Variants in RSU1 observed in about 807,000 individuals in gnomAD.
The protein encoded by RSU1 is Ras suppressor protein 1, also known as rsu-1.
A neutral mutation model predicts 31.1 loss-of-function variants in RSU1; 26 were observed. The observed-to-expected ratio is 0.84, with a 90% CI of 0.61 to 1.16. The LOEUF (loss-of-function observed/expected upper bound fraction) is 1.16. Among genes scored for constraint, RSU1 ranks in the 50% most tolerant of loss-of-function variants. The pLI is 0.00. For synonymous variants in RSU1, 164 were observed against 136.3 expected (o/e 1.20, Z -1.41); for missense variants, 320 against 339.1 (o/e 0.94, Z 0.44).
intron 2 of RSU1, among the ~76,000 whole-genome samples, chr10:16,789,201 G>C (rs1276980658): frequency 1.3e-5 from 2 of 152,164 alleles, no homozygotes; most frequent in African/African-American, 2.4e-5. Context: ...AAGTTTAAAA[G>C]TTGTGTTTTC....
chr10:16,773,838 G>A (rs1391375765), intron 3 of RSU1, among the ~76,000 whole-genome samples: 1 of 152,100 alleles, frequency 6.6e-6, no homozygotes, highest in African/African-American at 2.4e-5. Flanking sequence ...TCAACTTTCT[G>A]AAGGATAAGC....
chr10:16,682,426 T>C (rs1318381492), intron 8 of RSU1, among the ~76,000 whole-genome samples: 2 of 152,156 alleles, frequency 1.3e-5, no homozygotes, highest in East Asian at 3.9e-4. Context: ...CTAATTTTGC[T>C]TTAAAGATAA....
chr10:16,714,979 G>A lies in RSU1; in HGVS notation c.599-19824C>T, dbSNP rs543000430. Among the ~76,000 whole-genome samples the A allele has an allele frequency of 5.9e-5, 9 of 152,208 alleles. No individual in the cohort carries two copies. In the South Asian group the frequency reaches 8.3e-4, roughly 14 times the overall value. ...TTTCTGGTGGCAATGGGGACTGCTG[G>A]GAATCACCAGCATACATTTCCCCAT... is the stretch of plus-strand genomic sequence containing the variant. On this transcript the variant is annotated intron_variant, in intron 7 of 8. Transcript: ENST00000345264.
intron 7 of RSU1, among the ~76,000 whole-genome samples, chr10:16,736,006 G>A (rs552521948): frequency 2.6e-5 from 4 of 152,286 alleles, no homozygotes; most frequent in African/African-American, 9.6e-5. Flanking sequence ...TTTCCAGACA[G>A]CTGTGCAAGA....
rs79489444 is a variant in RSU1, at chr10:16,758,427, C to G, written c.282-3438G>C. On this transcript the variant is annotated intron_variant, in intron 4 of 8. Transcript: ENST00000345264. ...GGAATTCCATGCTCAGGGCCCCGCT[C>G]TGACACTGCTAGCAATCAAGGTTTC... Among the ~76,000 whole-genome samples the G allele has an allele frequency of 4.0e-3, 606 of 152,266 alleles. 8 individuals carry two copies. The East Asian group carries it at 0.064, about 16-fold the overall frequency.
intron 4 of RSU1, among the ~76,000 whole-genome samples, chr10:16,758,783 T>C (rs1050610403): frequency 6.6e-6 from 1 of 152,202 alleles, no homozygotes; most frequent in African/African-American, 2.4e-5. Flanking sequence ...CAAGCTCACC[T>C]CATGACAAGC....
At chr10:16,642,092 T>C (rs539261710) in intron 8 of RSU1, among the ~76,000 whole-genome samples, 4 of 152,166 alleles carry the variant, frequency 2.6e-5, no homozygotes, top group African/African-American at 9.7e-5. Flanking sequence ...AGAGATGGAA[T>C]TGATAACAGG....
At chr10:16,730,408 G>C (rs776941152) in intron 7 of RSU1, among the ~76,000 whole-genome samples, 13 of 152,136 alleles carry the variant, frequency 8.5e-5, no homozygotes, top group Non-Finnish European at 1.6e-4. Context: ...ACCCAAGCTA[G>C]CACATCAGAA....
At chr10:16,810,441 G>A (rs917978651) in intron 2 of RSU1, among the ~76,000 whole-genome samples, 2 of 152,036 alleles carry the variant, frequency 1.3e-5, no homozygotes, top group Non-Finnish European at 2.9e-5. Flanking sequence ...ACATCCCAAC[G>A]AAAATCCTGC....
chr10:16,679,346 T>C (rs1480922824), intron 8 of RSU1, among the ~76,000 whole-genome samples: 1 of 152,182 alleles, frequency 6.6e-6, no homozygotes, highest in Non-Finnish European at 1.5e-5. Flanking sequence ...ACAGGTAGTA[T>C]TCACACCAAT....
At chr10:16,676,305 G>A (rs1356380298) in intron 8 of RSU1, among the ~76,000 whole-genome samples, 1 of 152,192 alleles carries the variant, frequency 6.6e-6, no homozygotes, top group Non-Finnish European at 1.5e-5. Flanking sequence ...CACAATCATG[G>A]CAGCAGATGA....
chr10:16,738,867 A>ACC (rs35395927), intron 7 of RSU1, among the ~76,000 whole-genome samples: 3 of 130,136 alleles, frequency 2.3e-5, no homozygotes, highest in Non-Finnish European at 3.3e-5. Flanking sequence ...CTTGCCCCCC[A>ACC]CCCCCCCAGC....
intron 7 of RSU1, among the ~76,000 whole-genome samples, chr10:16,704,235 C>A (rs1306363784): frequency 3.5e-4 from 54 of 152,262 alleles, no homozygotes; most frequent in Admixed American, 3.5e-3. Flanking sequence ...TCATCATTAT[C>A]ATAATAATAT....
chr10:16,718,893 A>G (rs1469686678), intron 7 of RSU1, among the ~76,000 whole-genome samples: 1 of 150,996 alleles, frequency 6.6e-6, no homozygotes, highest in Non-Finnish European at 1.5e-5. Flanking sequence ...GGACAGGAGA[A>G]TTGCTTGATC....
At chr10:16,788,680 A>T (rs1837848867) in intron 2 of RSU1, among the ~76,000 whole-genome samples, 1 of 152,328 alleles carries the variant, frequency 6.6e-6, no homozygotes, top group African/African-American at 2.4e-5. Context: ...AAGATCCAAG[A>T]CGACAGCCTG....
intron 8 of RSU1, among the ~76,000 whole-genome samples, chr10:16,596,396 G>A (rs1425493442): frequency 1.3e-5 from 2 of 152,060 alleles, no homozygotes; most frequent in South Asian, 4.2e-4. Context: ...TCCAAGCTCC[G>A]AAACATGCGT....
chr10:16,643,045 T>A (rs1482824238), intron 8 of RSU1, among the ~76,000 whole-genome samples: 1 of 152,246 alleles, frequency 6.6e-6, no homozygotes, highest in Non-Finnish European at 1.5e-5. Context: ...AATATTTTCA[T>A]AATGATGGGA....
chr10:16,656,626 T>C (rs1211250806), intron 8 of RSU1, among the ~76,000 whole-genome samples: 1 of 152,256 alleles, frequency 6.6e-6, no homozygotes, highest in Non-Finnish European at 1.5e-5. Context: ...CTTTCCATCC[T>C]TGACCAACCA....
chr10:16,734,960 G>A (rs886112427), intron 7 of RSU1, among the ~76,000 whole-genome samples: 1 of 152,168 alleles, frequency 6.6e-6, no homozygotes, highest in African/African-American at 2.4e-5. Flanking sequence ...TGAAGACACA[G>A]GGAGAAAAGG....
Sources: gnomAD v4.1 joint callset for allele counts (sites outside exome capture counted in the v4.1 genomes callset) on GRCh38, gnomAD v4.1.1 for gene constraint, MANE v1.5 for transcripts, NCBI Gene and HGNC (gene_info 2026-07-23, HGNC 2026-07-21) for gene names.